SHF: variants seen among roughly 807,000 people sequenced by gnomAD.
SHF encodes the protein SH2 domain-containing adapter protein F.
A neutral mutation model predicts 42.4 loss-of-function variants in SHF; 30 were observed. The observed-to-expected ratio is 0.71, with a 90% CI of 0.53 to 0.96. The LOEUF is 0.96. Among genes scored for constraint, SHF ranks in the 40% least tolerant of loss-of-function variants. The pLI is 0.00. For synonymous variants in SHF, 264 were observed against 269.9 expected (o/e 0.98, Z 0.21); for missense variants, 598 against 634.0 (o/e 0.94, Z 0.61).
exon 1 of SHF, chr15:45,201,094 A>C (rs1899077025): frequency 2.9e-6 from 1 of 342,466 alleles, no homozygotes; most frequent in Non-Finnish European, 5.8e-6. Context: ...AATGGCCGCC[A>C]TCTAGACGAG....
At chr15:45,186,300 C>G (rs1317988911) in intron 1 of SHF, among the ~76,000 whole-genome samples, 1 of 152,278 alleles carries the variant, frequency 6.6e-6, no homozygotes, top group Non-Finnish European at 1.5e-5. Flanking sequence ...CCTGACAGAT[C>G]TCTCTCATCC....
intron 1 of SHF, among the ~76,000 whole-genome samples, chr15:45,184,880 C>A (rs2141407674): frequency 6.6e-6 from 1 of 152,362 alleles, no homozygotes; most frequent in South Asian, 2.1e-4. Flanking sequence ...CCCTGCCAGG[C>A]CTGCCCAGAT....
chr15:45,188,633 C>G (rs1358318795), upstream of SHF, among the ~76,000 whole-genome samples: 1 of 152,244 alleles, frequency 6.6e-6, no homozygotes, highest in Admixed American at 6.5e-5. Flanking sequence ...CCTTCTCACA[C>G]GCAAACAGCC....
intron 1 of SHF, among the ~76,000 whole-genome samples, chr15:45,179,668 C>T (rs926344575): frequency 6.6e-6 from 1 of 152,186 alleles, no homozygotes; most frequent in African/African-American, 2.4e-5. Context: ...AGACTGAGCC[C>T]GGTTCACCCA....
Position 45,187,570 on chromosome 15 carries a change from T to C in SHF, c.382A>G (p.Thr128Ala), listed in dbSNP as rs2141422811. ...GGAGAGCCGTGGCGCGGGGGCGGCG[T>C]GGGTCCGGGGGCGACAGGGGTGGCG... is the stretch of plus-strand genomic sequence containing the variant. ...ALATPVAPGPTPPPRHGSPPH... is the reference protein window; with the variant it reads ...ALATPVAPGPAPPPRHGSPPH... The change falls in exon 1 of 7, where the codon ACG (threonine) becomes GCG (alanine). Residue 128 changes from threonine to alanine, a missense_variant. This residue lies in a region of SHF where 439 missense variants were observed against 524.6 expected (regional missense o/e 0.84). Transcript: ENST00000690270. 8.2e-7 allele frequency: 1 copy of C among 1,226,662 alleles called. No homozygotes were observed. The highest frequency in any genetic ancestry group is 4.2e-5 in the Admixed American group (1 of 23,564). The allele number at this position is 1,226,662 out of a possible 1,614,324, so 76.0% of individuals were successfully genotyped here. A position where few individuals can be genotyped will look rare whatever the true frequency, so the allele number is the denominator to read the frequency against.
Position 45,172,377 on chromosome 15 carries a change from A to G in SHF, c.989-59T>C, listed in dbSNP as rs1403401551. The G allele has an allele frequency of 4.7e-6, 7 of 1,478,260 alleles. No homozygotes were observed. In the East Asian group the frequency reaches 1.4e-4, roughly 30 times the overall value. The allele number at this position is 1,478,260 out of a possible 1,614,324, so 91.6% of individuals were successfully genotyped here. ...ACCCTAGAGGTCCTCAGAGGTCCCTATTGAATAGCCAGTGCCCAACCCCTA... is the reference window on the plus strand; with the variant it reads ...ACCCTAGAGGTCCTCAGAGGTCCCTGTTGAATAGCCAGTGCCCAACCCCTA... On this transcript the variant is annotated intron_variant, in intron 4 of 6. Transcript: ENST00000690270.
chr15:45,199,029 C>T (rs752974867), exon 2 of SHF: 3 of 1,606,648 alleles, frequency 1.9e-6, no homozygotes, highest in Non-Finnish European at 2.6e-6. Context: ...TCCAGGGTTC[C>T]GGTCCTACAG....
intron 1 of SHF, chr15:45,199,953 C>CAAAAAAAAAAAAAAAAAAAAAAA (rs56982094): frequency 1.7e-5 from 1 of 59,500 alleles, no homozygotes; most frequent in African/African-American, 5.6e-5. Context: ...GGCTCCATCT[C>CAAAAAAAAAAAAAAAAAAAAAAA]AAAAAAAAAA....
chr15:45,198,424 G>C (rs1898939140), intron 2 of SHF: 1 of 224,774 alleles, frequency 4.4e-6, no homozygotes, highest in African/African-American at 2.3e-5. Context: ...TATAACGGCT[G>C]GGTTGAAGCT....
At chr15:45,171,728 G>T in intron 6 of SHF, 155 bp downstream of exon 6, 1 of 731,654 alleles carries the variant, frequency 1.4e-6, no homozygotes, top group Non-Finnish European at 2.2e-6. Context: ...CTCCTTGAGA[G>T]CAGGGGCTGA....
intron 2 of SHF, among the ~76,000 whole-genome samples, chr15:45,196,669 G>C (rs555609860): frequency 2.3e-4 from 35 of 151,886 alleles, no homozygotes; most frequent in Non-Finnish European, 4.7e-4. Flanking sequence ...AGGCCGAGGC[G>C]GGCAGAACAC....
rs1486561647 is a variant in SHF at position 45,187,619 on chromosome 15, C to T, written c.333G>A (p.Gly111=). ...RERDFEDPYS[G]GSSGSAALAT... is the part of the protein sequence containing the mutation. ...CGAGGGCGGCGGAGCCGGACGACCC[C>T]CCGGAGTAGGGGTCTTCGAAGTCGC... Residue 111 remains glycine (G), a synonymous_variant, in exon 1 of 7, where the codon GGG becomes GGA. Coordinates refer to ENST00000690270, the MANE Select transcript of SHF (RefSeq NM_001394037.1). 8.1e-7 allele frequency: 1 copy of T among 1,230,044 alleles called. No homozygotes were observed. Among genetic ancestry groups the T allele is most frequent in the East Asian group, 3.2e-5 (1 of 31,574 alleles). The allele number at this position is 1,230,044 out of a possible 1,614,324, so 76.2% of individuals were successfully genotyped here. A position where few individuals can be genotyped will look rare whatever the true frequency, so the allele number is the denominator to read the frequency against.
chr15:45,200,662 G>A (rs895888465), intron 1 of SHF: 8 of 453,086 alleles, frequency 1.8e-5, no homozygotes, highest in African/African-American at 1.6e-4. Flanking sequence ...GTCCACACTT[G>A]CCTGCGCACC....
rs1361037953 is a variant in SHF, at chr15:45,187,543, G to C, written c.409C>G (p.Pro137Ala). ...GTCTCGACCCGAATAAGGCGGTGTG[G>C]GGGAGAGCCGTGGCGCGGGGGCGGC... The part of the protein sequence containing the change: ...PTPPPRHGSP[P>A]HRLIRVETPG... Residue 137 changes from proline to alanine, a missense_variant, in exon 1 of 7, where the codon CCA (proline) becomes GCA (alanine). Coordinates refer to ENST00000690270, the MANE Select transcript of SHF (RefSeq NM_001394037.1). The C allele has an allele frequency of 8.1e-7, 1 of 1,229,042 alleles. No homozygotes were observed. The highest frequency in any genetic ancestry group is 1.0e-6 in the Non-Finnish European group (1 of 985,386). 76.1% of individuals were successfully genotyped at this position (1,229,042 alleles called of 1,614,324 possible). A position where few individuals can be genotyped will look rare whatever the true frequency, so the allele number is the denominator to read the frequency against.
At chr15:45,173,789 CA>C in intron 3 of SHF, 73 bp from the exon 4 acceptor site, 2 of 1,487,152 alleles carry the variant, frequency 1.3e-6, no homozygotes, top group Admixed American at 2.0e-5. Context: ...GTTGAGACAC[CA>C]AAACCCAGAG....
chr15:45,196,823 T>C (rs62026666), intron 2 of SHF, among the ~76,000 whole-genome samples: 57,237 of 149,212 alleles, frequency 0.38, 11,287 homozygotes, highest in East Asian at 0.62. Flanking sequence ...GGCGTGAACC[T>C]GGGAGGCGGA....
intron 1 of SHF, chr15:45,200,567 T>A (rs1366079833): frequency 1.1e-5 from 4 of 366,362 alleles, no homozygotes; most frequent in African/African-American, 8.5e-5. Context: ...TGTCATTGAT[T>A]TGTCATTGTT....
upstream of SHF, among the ~76,000 whole-genome samples, chr15:45,188,962 A>G (rs1235172208): frequency 1.3e-5 from 2 of 152,060 alleles, no homozygotes; most frequent in Non-Finnish European, 2.9e-5. Flanking sequence ...GGAGGCCGAA[A>G]CGGGAGGATC....
At chr15:45,200,544 C>G (rs1402801803) in intron 1 of SHF, 1 of 365,038 alleles carries the variant, frequency 2.7e-6, no homozygotes, top group Non-Finnish European at 5.4e-6. Flanking sequence ...TTGAAAGCCC[C>G]GCCCCCTTGC....
Sources: gnomAD v4.1 joint callset for allele counts (sites outside exome capture counted in the v4.1 genomes callset) on GRCh38, gnomAD v4.1.1 for gene constraint, gnomAD v4.1.1 regional missense constraint, MANE v1.5 for transcripts, NCBI Gene and HGNC (gene_info 2026-07-23, HGNC 2026-07-21) for gene names.